Variants in PDGFD observed in about 807,000 individuals in gnomAD.
PDGFD encodes platelet derived growth factor D.
In PDGFD, 30 loss-of-function variants were observed where a neutral mutation model predicts 44.7. The ratio of observed to expected loss-of-function variants is 0.67; its 90% confidence interval spans 0.50 to 0.91. The LOEUF is 0.91. Ranked by LOEUF, PDGFD falls within the 40% of genes least tolerant of loss-of-function variation. The pLI is 0.00. For synonymous variants in PDGFD, 173 were observed against 168.4 expected (o/e 1.03, Z -0.21); for missense variants, 445 against 457.8 (o/e 0.97, Z 0.25).
chr11:104,132,069 C>CA (rs140756105), intron 1 of PDGFD, among the ~76,000 whole-genome samples: 10,990 of 151,906 alleles, frequency 0.072, 528 homozygotes, highest in East Asian at 0.24. Flanking sequence ...GTGAGCATGC[C>CA]AAAAAACAGG....
chr11:103,933,275 G>A (rs1032236), intron 5 of PDGFD, among the ~76,000 whole-genome samples: 152,164 of 152,328 alleles, frequency 1, 76,000 homozygotes, highest in Middle Eastern at 1. Context: ...AGGTTCATAA[G>A]TTCACCAGGA....
chr11:104,156,609 C>T (rs1038090214), intron 1 of PDGFD, among the ~76,000 whole-genome samples: 1 of 152,116 alleles, frequency 6.6e-6, no homozygotes, highest in Non-Finnish European at 1.5e-5. Flanking sequence ...TGTATAAAAA[C>T]CACTAAACTG....
intron 1 of PDGFD, among the ~76,000 whole-genome samples, chr11:104,014,446 T>C (rs1048549781): frequency 6.6e-6 from 1 of 152,164 alleles, no homozygotes; most frequent in Non-Finnish European, 1.5e-5. Flanking sequence ...TAGTGAGCTA[T>C]GACTACACCA....
At chr11:104,117,460 T>G (rs1861659159) in intron 1 of PDGFD, among the ~76,000 whole-genome samples, 2 of 151,972 alleles carry the variant, frequency 1.3e-5, no homozygotes. Flanking sequence ...TTGCTGATGA[T>G]ATGATTGCTT....
chr11:103,909,599 A>G lies in PDGFD; in HGVS notation c.*95T>C. ...TGTGTTCATTGCATTGCAGGCTAGT[A>G]GTAAGTTTGGTTGCTGGTAGGAAAA... On this transcript the variant is annotated 3_prime_UTR_variant, in exon 7 of 7. Coordinates refer to ENST00000393158, the MANE Select transcript of PDGFD (RefSeq NM_025208.5). 6.8e-7 allele frequency: 1 copy of G among 1,474,996 alleles called. No homozygotes were observed. The highest frequency in any genetic ancestry group is 1.2e-5 in the South Asian group (1 of 82,444). The allele number at this position is 1,474,996 out of a possible 1,614,324, so 91.4% of individuals were successfully genotyped here. A position where few individuals can be genotyped will look rare whatever the true frequency, so the allele number is the denominator to read the frequency against.
intron 1 of PDGFD, among the ~76,000 whole-genome samples, chr11:104,111,575 C>G (rs1861558741): frequency 6.6e-6 from 1 of 152,028 alleles, no homozygotes; most frequent in Non-Finnish European, 1.5e-5. Flanking sequence ...GATTATTTTT[C>G]TATGAACAAG....
At chr11:104,128,527 C>G (rs1348944983) in intron 1 of PDGFD, among the ~76,000 whole-genome samples, 1 of 152,124 alleles carries the variant, frequency 6.6e-6, no homozygotes, top group African/African-American at 2.4e-5. Context: ...AAATAGATGG[C>G]TCCATGCATG....
chr11:104,060,854 C>T (rs1052114355), intron 1 of PDGFD, among the ~76,000 whole-genome samples: 1 of 152,136 alleles, frequency 6.6e-6, no homozygotes, highest in African/African-American at 2.4e-5. Context: ...GTAAAATATA[C>T]ATCACAAAAT....
At chr11:104,115,212 T>G (rs1386933583) in intron 1 of PDGFD, among the ~76,000 whole-genome samples, 1 of 151,248 alleles carries the variant, frequency 6.6e-6, no homozygotes, top group Non-Finnish European at 1.5e-5. Context: ...CAGCTCACCA[T>G]GAATGCCATT....
intron 1 of PDGFD, among the ~76,000 whole-genome samples, chr11:104,098,597 C>A (rs1345150424): frequency 6.6e-6 from 1 of 151,748 alleles, no homozygotes; most frequent in African/African-American, 2.4e-5. Context: ...CAGCCTCAAC[C>A]TCCCAGCCTC....
intron 3 of PDGFD, among the ~76,000 whole-genome samples, chr11:103,991,059 A>T (rs778614646): frequency 6.6e-6 from 1 of 152,078 alleles, no homozygotes; most frequent in Non-Finnish European, 1.5e-5. Flanking sequence ...GAATGGCAGG[A>T]ACCCAGGAGA....
chr11:104,060,247 C>G (rs1591143892), intron 1 of PDGFD, among the ~76,000 whole-genome samples: 1 of 152,214 alleles, frequency 6.6e-6, no homozygotes, highest in Non-Finnish European at 1.5e-5. Flanking sequence ...TTGTCCAGAT[C>G]AGCAACTCAG....
At chr11:104,127,944 C>A (rs374325303) in intron 1 of PDGFD, among the ~76,000 whole-genome samples, 8 of 152,120 alleles carry the variant, frequency 5.3e-5, no homozygotes, top group African/African-American at 1.9e-4. Context: ...TGCCTCTCTC[C>A]ATTCCTGTTA....
chr11:103,944,544 A>G (rs1037314244), intron 4 of PDGFD, among the ~76,000 whole-genome samples: 5 of 152,206 alleles, frequency 3.3e-5, no homozygotes, highest in African/African-American at 9.6e-5. Context: ...GTCTTTAAAG[A>G]AACTACCAAA....
At chr11:104,002,736 A>G (rs1859638689) in intron 1 of PDGFD, among the ~76,000 whole-genome samples, 1 of 152,160 alleles carries the variant, frequency 6.6e-6, no homozygotes, top group African/African-American at 2.4e-5. Flanking sequence ...TTACCCTTAC[A>G]ATTTTTGCCA....
chr11:103,947,811 CT>C (rs150780324), intron 3 of PDGFD, 87 bp from the exon 4 acceptor site: 29,631 of 984,226 alleles, frequency 0.03, 2,719 homozygotes, highest in East Asian at 0.22. Context: ...CCTTCTGAAT[CT>C]TTTTCCAACT....
chr11:103,991,263 GTTA>G (rs976902660), intron 3 of PDGFD, among the ~76,000 whole-genome samples: 3 of 152,224 alleles, frequency 2.0e-5, no homozygotes, highest in Admixed American at 6.5e-5. Flanking sequence ...GTCTGCAAAA[GTTA>G]TTATAATTGA....
At position 103,979,477 on chromosome 11, in the gene PDGFD, C is replaced by CACAA. The variant is rs1859233775; in HGVS notation, c.510+16587_510+16588insTTGT. ...ATCTTACCACAATTGACTCAGGCAA[C>CACAA]TATCTGGCAGGGAGGTTTCACATTT... On this transcript the variant is annotated intron_variant, in intron 3 of 6. Coordinates refer to ENST00000393158, the MANE Select transcript of PDGFD (RefSeq NM_025208.5). Among the ~76,000 whole-genome samples the CACAA allele has an allele frequency of 9.9e-5, 15 of 152,214 alleles. 1 individual carries two copies. The highest frequency in any genetic ancestry group is 8.5e-4 in the Admixed American group (13 of 15,252).
At position 104,000,083 on chromosome 11, in the gene PDGFD, A is replaced by T. The variant is rs780980885; in HGVS notation, c.297T>A (p.Phe99Leu). 2 of 1,614,112 alleles carry T rather than the reference A, an allele frequency of 1.2e-6. No homozygotes were observed. Among genetic ancestry groups the T allele is most frequent in the East Asian group, 4.5e-5 (2 of 44,874 alleles). ...TATCATTTTCTGCTTCCTCTAATCC[A>T]AACTGATTGTCAAACACTAGCTGTA... ...TRIQLVFDNQFGLEEAENDIC... is the reference protein window; with the variant it reads ...TRIQLVFDNQLGLEEAENDIC... Residue 99 changes from phenylalanine (F) to leucine (L), a missense_variant, in exon 2 of 7, where the codon TTT (phenylalanine) becomes TTA (leucine). Coordinates refer to ENST00000393158, the MANE Select transcript of PDGFD (RefSeq NM_025208.5).
Sources: gnomAD v4.1 joint callset for allele counts (sites outside exome capture counted in the v4.1 genomes callset) on GRCh38, gnomAD v4.1.1 for gene constraint, MANE v1.5 for transcripts, NCBI Gene and HGNC (gene_info 2026-07-23, HGNC 2026-07-21) for gene names.